The following ZNF407 variants were observed in gnomAD, a reference collection of about 807,000 sequenced individuals.
The protein encoded by ZNF407 is zinc finger protein 407.
In ZNF407, 17 loss-of-function variants were observed where a neutral mutation model predicts 131.2. The observed-to-expected ratio is 0.13, with a 90% CI of 0.09 to 0.19. The LOEUF (loss-of-function observed/expected upper bound fraction) is 0.19, where lower values mean the gene tolerates loss of function less well. Ranked by LOEUF, ZNF407 falls within the 10% of genes least tolerant of loss-of-function variation. The probability of loss-of-function intolerance (pLI) is 1.00; values close to 1 mark genes in which losing one functional copy is unlikely to be tolerated. For synonymous variants in ZNF407, 1,156 were observed against 1,062.0 expected (o/e 1.09, Z -1.72); for missense variants, 2,681 against 2,830.6 (o/e 0.95, Z 1.20).
At chr18:74,720,381 T>C (rs1194881615) in intron 3 of ZNF407, among the ~76,000 whole-genome samples, 2 of 152,048 alleles carry the variant, frequency 1.3e-5, no homozygotes, top group Non-Finnish European at 2.9e-5. Flanking sequence ...ATGTTTGAAT[T>C]CTTTCTATAA....
intron 4 of ZNF407, among the ~76,000 whole-genome samples, chr18:74,851,857 C>T (rs554414683): frequency 2.2e-4 from 34 of 152,222 alleles, no homozygotes; most frequent in Admixed American, 2.2e-3. Context: ...CTGGAATGTT[C>T]GGCTTGTACA....
At chr18:74,829,367 C>T (rs929337903) in intron 4 of ZNF407, among the ~76,000 whole-genome samples, 2 of 152,068 alleles carry the variant, frequency 1.3e-5, no homozygotes, top group Non-Finnish European at 2.9e-5. Context: ...GATCAAAAAC[C>T]GCCCATTTTA....
At chr18:74,719,466 C>G (rs1381679363) in intron 3 of ZNF407, among the ~76,000 whole-genome samples, 2 of 152,246 alleles carry the variant, frequency 1.3e-5, no homozygotes, top group Non-Finnish European at 2.9e-5. Context: ...GTGGCGCGAT[C>G]TCAGCTCACT....
intron 8 of ZNF407, among the ~76,000 whole-genome samples, chr18:74,936,545 C>G (rs1309207438): frequency 1.3e-5 from 2 of 152,182 alleles, no homozygotes; most frequent in Non-Finnish European, 2.9e-5. Flanking sequence ...TTACCACCAC[C>G]CAGCTGTGCC....
intron 4 of ZNF407, among the ~76,000 whole-genome samples, chr18:74,834,314 A>G (rs1304628814): frequency 6.6e-6 from 1 of 152,220 alleles, no homozygotes; most frequent in Non-Finnish European, 1.5e-5. Flanking sequence ...TTCTTGCAGC[A>G]TGACCCAATT....
intron 3 of ZNF407, among the ~76,000 whole-genome samples, chr18:74,742,889 A>T (rs1164015789): frequency 6.6e-6 from 1 of 152,128 alleles, no homozygotes; most frequent in Non-Finnish European, 1.5e-5. Flanking sequence ...TTAATGGCTG[A>T]ACTGGTATAA....
At chr18:74,636,939 G>A (rs181287238) in intron 2 of ZNF407, among the ~76,000 whole-genome samples, 21 of 152,290 alleles carry the variant, frequency 1.4e-4, no homozygotes, top group South Asian at 2.1e-4. Context: ...GTTCACATGC[G>A]CAGAAAATAT....
At chr18:74,807,067 G>A (rs1302031107) in intron 4 of ZNF407, among the ~76,000 whole-genome samples, 18 of 152,158 alleles carry the variant, frequency 1.2e-4, no homozygotes, top group African/African-American at 1.7e-4. Flanking sequence ...AGATAATAAC[G>A]GGAAGCAACA....
At chr18:74,999,366 A>AC (rs1189156038) in intron 8 of ZNF407, among the ~76,000 whole-genome samples, 32 of 149,756 alleles carry the variant, frequency 2.1e-4, no homozygotes, top group African/African-American at 7.7e-4. Flanking sequence ...AAAAAAAAAA[A>AC]AAAAAAAAAC....
intron 3 of ZNF407, among the ~76,000 whole-genome samples, chr18:74,692,516 G>A (rs1206218841): frequency 3.3e-5 from 5 of 151,820 alleles, no homozygotes; most frequent in African/African-American, 1.2e-4. Flanking sequence ...TCTCAGGAAG[G>A]CCCTGAGTGC....
chr18:74,626,012 A>G (rs762907070), intron 1 of ZNF407, among the ~76,000 whole-genome samples: 1 of 152,252 alleles, frequency 6.6e-6, no homozygotes, highest in Non-Finnish European at 1.5e-5. Flanking sequence ...AGAAGGGAGG[A>G]AATGTTGGTT....
At chr18:74,910,154 G>A (rs1971649355) in intron 7 of ZNF407, among the ~76,000 whole-genome samples, 1 of 152,080 alleles carries the variant, frequency 6.6e-6, no homozygotes, top group South Asian at 2.1e-4. Context: ...AGGAGGGACT[G>A]ACAATATTGT....
At chr18:75,059,102 C>A (rs1245593310) in intron 8 of ZNF407, among the ~76,000 whole-genome samples, 2 of 152,184 alleles carry the variant, frequency 1.3e-5, no homozygotes, top group Non-Finnish European at 2.9e-5. Flanking sequence ...TCGTCACACC[C>A]CACACCGACA....
intron 4 of ZNF407, among the ~76,000 whole-genome samples, chr18:74,792,504 A>G (rs1462326044): frequency 6.7e-6 from 1 of 150,318 alleles, no homozygotes; most frequent in Non-Finnish European, 1.5e-5. Context: ...CTGGATAACA[A>G]GTCTTCTAAA....
At chr18:74,949,955 C>G (rs888751778) in intron 8 of ZNF407, among the ~76,000 whole-genome samples, 5 of 152,146 alleles carry the variant, frequency 3.3e-5, no homozygotes, top group Non-Finnish European at 7.4e-5. Context: ...TTTTTAACCC[C>G]CCACTGGCTA....
chr18:75,003,185 A>G (rs369884555), intron 8 of ZNF407, among the ~76,000 whole-genome samples: 114 of 152,350 alleles, frequency 7.5e-4, no homozygotes, highest in African/African-American at 2.7e-3. Flanking sequence ...AGAGCTTATC[A>G]TTGTATTTCT....
At chr18:74,898,860 A>G (rs1246356551) in intron 7 of ZNF407, among the ~76,000 whole-genome samples, 5 of 152,254 alleles carry the variant, frequency 3.3e-5, no homozygotes, top group Non-Finnish European at 7.3e-5. Flanking sequence ...GGAAATTAAT[A>G]TTTTGGATTG....
chr18:74,749,885 A>G (rs1968757855), intron 3 of ZNF407, among the ~76,000 whole-genome samples: 1 of 152,204 alleles, frequency 6.6e-6, no homozygotes, highest in Non-Finnish European at 1.5e-5. Context: ...TTGGAGATGT[A>G]TCTTATTGGA....
chr18:74,994,187 A>G (rs553549004), intron 8 of ZNF407, among the ~76,000 whole-genome samples: 4 of 152,222 alleles, frequency 2.6e-5, no homozygotes, highest in Non-Finnish European at 4.4e-5. Context: ...GGAAGCTCAC[A>G]AGTATTCATG....
Sources: gnomAD v4.1 joint callset for allele counts (sites outside exome capture counted in the v4.1 genomes callset) on GRCh38, gnomAD v4.1.1 for gene constraint, MANE v1.5 for transcripts, NCBI Gene and HGNC (gene_info 2026-07-23, HGNC 2026-07-21) for gene names.